The following KCNN3 variants were observed in gnomAD, a reference collection of about 807,000 sequenced individuals.
The protein encoded by KCNN3 is small conductance calcium-activated potassium channel protein 3.
Under a neutral mutation model 62.9 loss-of-function variants are expected in KCNN3, and 16 were observed. The observed-to-expected ratio is 0.25, with a 90% CI of 0.17 to 0.39. The LOEUF (loss-of-function observed/expected upper bound fraction) is 0.39. KCNN3 is among the 10% of genes least tolerant of loss of function. KCNN3 has a pLI of 1.00. For synonymous variants in KCNN3, 370 were observed against 389.2 expected, an observed-to-expected ratio of 0.95 and a Z score of 0.58; for missense variants, 599 against 949.4, an observed-to-expected ratio of 0.63 and a Z score of 4.85.
At chr1:154,770,345 G>T (rs780350511) in intron 3 of KCNN3, among the ~76,000 whole-genome samples, 36 of 152,216 alleles carry the variant, frequency 2.4e-4, no homozygotes, top group Non-Finnish European at 3.8e-4. Context: ...TGGCCAAAAC[G>T]CTGAAAGAAA....
At chr1:154,790,279 C>T (rs904717096) in intron 2 of KCNN3, among the ~76,000 whole-genome samples, 6 of 152,112 alleles carry the variant, frequency 3.9e-5, no homozygotes, top group Admixed American at 3.9e-4. Context: ...GTTTGCACAC[C>T]CATGTTCATT....
intron 3 of KCNN3, among the ~76,000 whole-genome samples, chr1:154,767,899 T>C (rs776836920): frequency 6.6e-5 from 10 of 152,232 alleles, no homozygotes; most frequent in Non-Finnish European, 1.2e-4. Flanking sequence ...AAAACCTTTG[T>C]TGTCACATAA....
At chr1:154,831,903 A>C (rs1651390640) in intron 1 of KCNN3, among the ~76,000 whole-genome samples, 1 of 152,008 alleles carries the variant, frequency 6.6e-6, no homozygotes, top group African/African-American at 2.4e-5. Flanking sequence ...AACGTACAGA[A>C]CACCAGGAGA....
At chr1:154,760,477 C>T (rs1375199947) in intron 3 of KCNN3, among the ~76,000 whole-genome samples, 1 of 152,006 alleles carries the variant, frequency 6.6e-6, no homozygotes, top group Non-Finnish European at 1.5e-5. Context: ...GCCCTGGAGC[C>T]GCCGGCCCAG....
chr1:154,842,272 G>A (rs1651865344), intron 1 of KCNN3, among the ~76,000 whole-genome samples: 1 of 152,182 alleles, frequency 6.6e-6, no homozygotes, highest in Admixed American at 6.5e-5. Flanking sequence ...TGCGGGTGTG[G>A]GAGCAGCTGT....
At chr1:154,829,861 T>G (rs112909382) in intron 1 of KCNN3, among the ~76,000 whole-genome samples, 3,180 of 152,264 alleles carry the variant, frequency 0.021, 99 homozygotes, top group African/African-American at 0.073. Flanking sequence ...TGGCCATGCC[T>G]GGTGTCTCCC....
intron 3 of KCNN3, among the ~76,000 whole-genome samples, chr1:154,766,841 G>A (rs570241932): frequency 4.6e-5 from 7 of 151,932 alleles, no homozygotes; most frequent in East Asian, 3.9e-4. Context: ...CACCATGCCC[G>A]GCTAATTTTT....
At chr1:154,714,482 GTGGT>G (rs1557938386) in intron 6 of KCNN3, among the ~76,000 whole-genome samples, 4,454 of 22,852 alleles carry the variant, frequency 0.19, no homozygotes, top group Admixed American at 0.24. Context: ...TGGTGTGTGT[GTGGT>G]TTGTGTGAGG....
chr1:154,856,419 G>A (rs538060218), intron 1 of KCNN3, among the ~76,000 whole-genome samples: 2 of 152,324 alleles, frequency 1.3e-5, no homozygotes, highest in South Asian at 2.1e-4. Context: ...CTGGAATAGC[G>A]TAGCTTTCTT....
At chr1:154,828,043 G>T in intron 1 of KCNN3, among the ~76,000 whole-genome samples, 1 of 152,144 alleles carries the variant, frequency 6.6e-6, no homozygotes, top group East Asian at 1.9e-4. Flanking sequence ...AGACTCTGGG[G>T]ACTCCAGAGG....
At chr1:154,755,528 A>G (rs1175234580) in intron 3 of KCNN3, among the ~76,000 whole-genome samples, 928 of 61,176 alleles carry the variant, frequency 0.015, 15 homozygotes, top group African/African-American at 0.035. Context: ...AGAAAGAAAG[A>G]AGAAGAAAGG....
chr1:154,780,081 C>G (rs535876051), intron 2 of KCNN3, among the ~76,000 whole-genome samples: 1 of 152,314 alleles, frequency 6.6e-6, no homozygotes, highest in Non-Finnish European at 1.5e-5. Flanking sequence ...AAGGACACTA[C>G]CCAGTGCCTC....
chr1:154,711,892 A>C (rs955899448), intron 7 of KCNN3, among the ~76,000 whole-genome samples: 9 of 150,442 alleles, frequency 6.0e-5, no homozygotes, highest in African/African-American at 2.3e-4. Flanking sequence ...GAGGGAGAGA[A>C]AGAGAGGAAG....
At chr1:154,812,585 C>T (rs1024693659) in intron 2 of KCNN3, among the ~76,000 whole-genome samples, 1 of 152,126 alleles carries the variant, frequency 6.6e-6, no homozygotes, top group Admixed American at 6.5e-5. Context: ...GCACTTGTTC[C>T]CCATGACTTT....
chr1:154,803,410 C>T (rs1650037953), intron 2 of KCNN3, among the ~76,000 whole-genome samples: 1 of 152,194 alleles, frequency 6.6e-6, no homozygotes, highest in Non-Finnish European at 1.5e-5. Flanking sequence ...AGCAGTGACA[C>T]CTGTCATTTG....
intron 2 of KCNN3, 70 bp downstream of exon 2, chr1:154,822,019 G>T: frequency 8.6e-7 from 1 of 1,161,988 alleles, no homozygotes; most frequent in Non-Finnish European, 1.3e-6. Flanking sequence ...TTGGGGGTGG[G>T]GATGGGCTCG....
intron 3 of KCNN3, among the ~76,000 whole-genome samples, chr1:154,749,630 G>A (rs1183500779): frequency 6.6e-6 from 1 of 152,216 alleles, no homozygotes; most frequent in Non-Finnish European, 1.5e-5. Context: ...CGAGTGGGAA[G>A]AATTCTGACT....
intron 4 of KCNN3, among the ~76,000 whole-genome samples, chr1:154,732,318 G>A (rs973997585): frequency 3.3e-5 from 5 of 152,214 alleles, no homozygotes; most frequent in Admixed American, 1.3e-4. Context: ...TGGGTGGTAG[G>A]GCACTGGGCA....
In KCNN3 at chr1:154,732,990, G is replaced by C. The variant is rs200318547; in HGVS notation, c.1590+13C>G. 8.7e-5 allele frequency: 141 copies of C among 1,613,874 alleles called. No individual in the cohort carries two copies. The highest frequency in any genetic ancestry group is 1.1e-4 in the Non-Finnish European group (127 of 1,179,866). On this transcript the variant is annotated intron_variant, in intron 4 of 7. Transcript: ENST00000271915. Reference sequence around the variant, plus strand: ...ATTTTAAGGGTAGGGAATGGGGAGAGGCGGGTACTCACCATGATGCCAGTG... The same window carrying C: ...ATTTTAAGGGTAGGGAATGGGGAGACGCGGGTACTCACCATGATGCCAGTG...
Sources: allele counts gnomAD v4.1 joint callset (sites outside exome capture counted in the v4.1 genomes callset), GRCh38; gene constraint gnomAD v4.1.1; transcripts MANE v1.5; gene names NCBI Gene and HGNC (gene_info 2026-07-23, HGNC 2026-07-21).